Variants in XKR4 observed in about 807,000 individuals in gnomAD.
XKR4 encodes the protein XK related 4.
XKR4 carries 12 observed loss-of-function variants against 53.9 expected under a neutral mutation model. That is an observed-to-expected ratio of 0.22 (90% CI 0.14 to 0.36). The LOEUF is 0.36. Ranked by LOEUF, XKR4 falls within the 10% of genes least tolerant of loss-of-function variation. XKR4 has a pLI of 1.00. For missense variants in XKR4, 799 were observed against 859.5 expected (o/e 0.93, Z 0.88); for synonymous variants, 354 against 362.4 (o/e 0.98, Z 0.26).
intron 1 of XKR4, among the ~76,000 whole-genome samples, chr8:55,267,157 A>G (rs1818615668): frequency 6.6e-6 from 1 of 152,176 alleles, no homozygotes; most frequent in Non-Finnish European, 1.5e-5. Flanking sequence ...GAGCTAGCAG[A>G]AAATCAATGG....
chr8:55,487,464 T>G (rs1806210124), intron 2 of XKR4, among the ~76,000 whole-genome samples: 1 of 120,668 alleles, frequency 8.3e-6, no homozygotes, highest in African/African-American at 2.8e-5. Flanking sequence ...CTAGACATGC[T>G]TTCTTTTTTT....
chr8:55,387,768 G>T (rs1804344876), intron 2 of XKR4, among the ~76,000 whole-genome samples: 1 of 152,146 alleles, frequency 6.6e-6, no homozygotes, highest in South Asian at 2.1e-4. Flanking sequence ...ACCCAAAACT[G>T]GGAGTAATGA....
At chr8:55,382,114 T>C (rs753815658) in intron 2 of XKR4, among the ~76,000 whole-genome samples, 2 of 152,258 alleles carry the variant, frequency 1.3e-5, no homozygotes, top group African/African-American at 4.8e-5. Flanking sequence ...TAATTGGAGA[T>C]GCCTTTGTCA....
chr8:55,149,829 C>T (rs1816818219), intron 1 of XKR4, among the ~76,000 whole-genome samples: 1 of 152,192 alleles, frequency 6.6e-6, no homozygotes, highest in South Asian at 2.1e-4. Context: ...GCATGTGGTG[C>T]TGGATCTAAG....
At chr8:55,161,465 T>C (rs1816983448) in intron 1 of XKR4, 4 of 450,378 alleles carry the variant, frequency 8.9e-6, no homozygotes, top group Admixed American at 2.4e-5. Flanking sequence ...GAGCACCTGC[T>C]GGGCTGGGCA....
In XKR4 at chr8:55,449,849, G is replaced by A. The variant is rs957946974; in HGVS notation, c.1007-73432G>A. The A allele has an allele frequency of 4.8e-6, 5 of 1,045,342 alleles. No individual in the cohort carries two copies. The Admixed American group carries it at 5.1e-5, about 11-fold the overall frequency. The allele number at this position is 1,045,342 out of a possible 1,614,324, so 64.8% of individuals were successfully genotyped here. On this transcript the variant is annotated intron_variant, in intron 2 of 2. Transcript: ENST00000327381. Reference sequence around the variant, plus strand: ...CTCGTAGGACCTGTTCTCACTCTCAGCTGTCTGGAACTGGCTGTAAGGGTG... The same window carrying A: ...CTCGTAGGACCTGTTCTCACTCTCAACTGTCTGGAACTGGCTGTAAGGGTG...
chr8:55,473,337 C>T (rs542689147), intron 2 of XKR4, among the ~76,000 whole-genome samples: 25 of 152,228 alleles, frequency 1.6e-4, no homozygotes, highest in African/African-American at 4.3e-4. Context: ...AATATCTTCT[C>T]CCCTCCTAAG....
intron 1 of XKR4, among the ~76,000 whole-genome samples, chr8:55,300,625 C>T (rs11996702): frequency 0.023 from 3,519 of 152,164 alleles, 133 homozygotes; most frequent in African/African-American, 0.079. Context: ...TGAGGGTAGA[C>T]AGAGGGCTTA....
At chr8:55,495,761 GGGATGCAAAGCACA>G (rs2129402778) in intron 2 of XKR4, among the ~76,000 whole-genome samples, 1 of 152,338 alleles carries the variant, frequency 6.6e-6, no homozygotes, top group South Asian at 2.1e-4. Flanking sequence ...GACTGCCTTA[GGGATGCAAAGCACA>G]GGAGACCCAC....
intron 1 of XKR4, among the ~76,000 whole-genome samples, chr8:55,165,905 A>G (rs1045898363): frequency 6.6e-6 from 1 of 152,206 alleles, no homozygotes; most frequent in Non-Finnish European, 1.5e-5. Flanking sequence ...ATGCTTATAT[A>G]TCCTGAGAAA....
intron 1 of XKR4, among the ~76,000 whole-genome samples, chr8:55,236,087 T>G (rs1028589982): frequency 5.9e-5 from 9 of 152,154 alleles, no homozygotes; most frequent in African/African-American, 2.2e-4. Context: ...AAGTGTAACA[T>G]GTTCCCAGCC....
chr8:55,103,470 C>T (rs1816088816), intron 1 of XKR4, among the ~76,000 whole-genome samples, 176 bp downstream of exon 1: 1 of 152,082 alleles, frequency 6.6e-6, no homozygotes, highest in African/African-American at 2.4e-5. Flanking sequence ...CAATCTCAGT[C>T]TAGGGTGGGA....
chr8:55,211,146 T>A (rs912338426), intron 1 of XKR4, among the ~76,000 whole-genome samples: 2 of 152,358 alleles, frequency 1.3e-5, no homozygotes, highest in Middle Eastern at 3.4e-3. Flanking sequence ...GCCTGCCTGA[T>A]TGGTTTCTTC....
intron 2 of XKR4, among the ~76,000 whole-genome samples, chr8:55,505,789 T>C (rs185386154): frequency 5.9e-5 from 9 of 152,366 alleles, no homozygotes; most frequent in African/African-American, 1.7e-4. Flanking sequence ...TATTTTCTGC[T>C]GAAGTCCTCT....
chr8:55,296,170 C>A (rs773952131), intron 1 of XKR4, among the ~76,000 whole-genome samples: 7 of 152,114 alleles, frequency 4.6e-5, no homozygotes, highest in Admixed American at 1.3e-4. Flanking sequence ...CTCTGTCCAA[C>A]AGCAACATAC....
chr8:55,122,433 G>T (rs1313889435), intron 1 of XKR4, among the ~76,000 whole-genome samples: 4 of 152,134 alleles, frequency 2.6e-5, no homozygotes, highest in African/African-American at 9.7e-5. Flanking sequence ...GGCTGAGAAT[G>T]ACACTAAAAC....
intron 2 of XKR4, among the ~76,000 whole-genome samples, chr8:55,461,422 T>C (rs2129397950): frequency 6.6e-6 from 1 of 152,202 alleles, no homozygotes; most frequent in East Asian, 1.9e-4. Flanking sequence ...TCCTGACTGT[T>C]AGAAGGAAAA....
chr8:55,407,168 C>G (rs1429905839), intron 2 of XKR4, among the ~76,000 whole-genome samples: 3 of 152,126 alleles, frequency 2.0e-5, no homozygotes, highest in Admixed American at 6.5e-5. Context: ...TCACAGGGAG[C>G]CTGGGGTGTC....
intron 1 of XKR4, among the ~76,000 whole-genome samples, chr8:55,209,864 AT>A (rs1817705971): frequency 6.6e-6 from 1 of 152,186 alleles, no homozygotes; most frequent in Non-Finnish European, 1.5e-5. Context: ...ATGAGAACCC[AT>A]GCCTTTTTCT....
Sources: gnomAD v4.1 joint callset for allele counts (sites outside exome capture counted in the v4.1 genomes callset) on GRCh38, gnomAD v4.1.1 for gene constraint, MANE v1.5 for transcripts, NCBI Gene and HGNC (gene_info 2026-07-23, HGNC 2026-07-21) for gene names.